CCSER1: variants seen among roughly 807,000 people sequenced by gnomAD.
CCSER1 encodes the protein coiled-coil serine rich protein 1.
In CCSER1, 41 loss-of-function variants were observed where a neutral mutation model predicts 82.0. The observed-to-expected ratio is 0.50, with a 90% CI of 0.39 to 0.65. CCSER1 has a LOEUF of 0.65. CCSER1 is among the 30% of genes least tolerant of loss of function. The pLI is 0.00. For missense variants in CCSER1, 1,119 were observed against 1,064.2 expected, an observed-to-expected ratio of 1.05 and a Z score of -0.72; for synonymous variants, 414 against 383.9, an observed-to-expected ratio of 1.08 and a Z score of -0.92.
At chr4:91,115,841 T>TTATATA (rs59028567) in intron 10 of CCSER1, among the ~76,000 whole-genome samples, 11 of 115,244 alleles carry the variant, frequency 9.5e-5, no homozygotes, top group African/African-American at 2.3e-4. Context: ...TTCCATTCTT[T>TTATATA]TATATATATA....
intron 10 of CCSER1, among the ~76,000 whole-genome samples, chr4:91,360,716 GAGAGA>G (rs1749193630): frequency 6.6e-6 from 1 of 151,564 alleles, no homozygotes; most frequent in Non-Finnish European, 1.5e-5. Flanking sequence ...TGAAAAAACA[GAGAGA>G]GAGAGAAAGA....
chr4:90,415,149 TTCAA>T (rs1167965555), intron 4 of CCSER1, among the ~76,000 whole-genome samples: 1 of 152,196 alleles, frequency 6.6e-6, no homozygotes, highest in Non-Finnish European at 1.5e-5. Context: ...TCATCAATCA[TTCAA>T]TCAGTGAATG....
intron 9 of CCSER1, among the ~76,000 whole-genome samples, chr4:91,055,395 G>A (rs1743357582): frequency 1.3e-5 from 2 of 152,076 alleles, no homozygotes; most frequent in Non-Finnish European, 2.9e-5. Flanking sequence ...AAATTATGTA[G>A]GATAATTTTT....
At chr4:91,545,947 C>A (rs1761868126) in intron 10 of CCSER1, among the ~76,000 whole-genome samples, 1 of 152,042 alleles carries the variant, frequency 6.6e-6, no homozygotes, top group Non-Finnish European at 1.5e-5. Context: ...TTATTAAGTT[C>A]AAGAAGTTCC....
chr4:90,896,173 C>G (rs1456881048), intron 8 of CCSER1, among the ~76,000 whole-genome samples: 1 of 151,886 alleles, frequency 6.6e-6, no homozygotes, highest in African/African-American at 2.4e-5. Context: ...ACGGGAGATT[C>G]TTTGATAGCA....
At chr4:90,362,651 T>C (rs1578118124) in intron 3 of CCSER1, among the ~76,000 whole-genome samples, 1 of 152,146 alleles carries the variant, frequency 6.6e-6, no homozygotes, top group South Asian at 2.1e-4. Context: ...TCTTTCCTTT[T>C]CCGCTGGCTT....
chr4:90,840,497 T>G (rs2149870591), intron 8 of CCSER1, among the ~76,000 whole-genome samples: 1 of 152,338 alleles, frequency 6.6e-6, no homozygotes, highest in African/African-American at 2.4e-5. Context: ...TTTTTCTAGC[T>G]TTGTGATTAC....
At chr4:90,457,746 C>T (rs929336545) in intron 4 of CCSER1, among the ~76,000 whole-genome samples, 2 of 152,138 alleles carry the variant, frequency 1.3e-5, no homozygotes, top group South Asian at 2.1e-4. Flanking sequence ...ATAATTTTCA[C>T]TCTGCTCCAA....
At chr4:91,250,878 A>T (rs754043418) in intron 10 of CCSER1, among the ~76,000 whole-genome samples, 1 of 152,150 alleles carries the variant, frequency 6.6e-6, no homozygotes, top group Non-Finnish European at 1.5e-5. Flanking sequence ...CACCAGCAGG[A>T]TACTCCAAAA....
chr4:90,566,100 C>T (rs1779347316), intron 5 of CCSER1, among the ~76,000 whole-genome samples: 1 of 151,424 alleles, frequency 6.6e-6, no homozygotes, highest in Non-Finnish European at 1.5e-5. Context: ...TCAAATGATC[C>T]ACCTGCCTCG....
chr4:90,424,251 A>G (rs1757213875), intron 4 of CCSER1, among the ~76,000 whole-genome samples: 1 of 152,110 alleles, frequency 6.6e-6, no homozygotes, highest in African/African-American at 2.4e-5. Flanking sequence ...CCAAAAATAT[A>G]TTTTAGATAA....
chr4:90,473,202 A>G (rs553869866), intron 5 of CCSER1, among the ~76,000 whole-genome samples: 1 of 152,188 alleles, frequency 6.6e-6, no homozygotes, highest in African/African-American at 2.4e-5. Flanking sequence ...TTTGGATTAT[A>G]TTTTGTATTA....
At chr4:90,452,375 G>A (rs1761574699) in intron 4 of CCSER1, among the ~76,000 whole-genome samples, 1 of 152,162 alleles carries the variant, frequency 6.6e-6, no homozygotes, top group Admixed American at 6.5e-5. Context: ...TTGAGTAGGT[G>A]GTTGTCTGTT....
chr4:90,796,336 C>T (rs1756020577), intron 7 of CCSER1, among the ~76,000 whole-genome samples: 1 of 145,316 alleles, frequency 6.9e-6, no homozygotes, highest in African/African-American at 2.5e-5. Context: ...AGTGGTAATA[C>T]CTTCTTTGTT....
intron 10 of CCSER1, among the ~76,000 whole-genome samples, chr4:91,408,632 CTTG>C (rs1228804229): frequency 6.6e-6 from 1 of 152,154 alleles, no homozygotes; most frequent in Admixed American, 6.6e-5. Context: ...AAACATTTCT[CTTG>C]TTGTTGTTGG....
At chr4:90,942,192 C>T (rs1272890774) in intron 9 of CCSER1, among the ~76,000 whole-genome samples, 1 of 152,034 alleles carries the variant, frequency 6.6e-6, no homozygotes, top group African/African-American at 2.4e-5. Context: ...TCAAGCGATC[C>T]ACCCACCACC....
intron 6 of CCSER1, among the ~76,000 whole-genome samples, chr4:90,704,821 C>G (rs1738976193): frequency 6.6e-6 from 1 of 152,114 alleles, no homozygotes; most frequent in African/African-American, 2.4e-5. Context: ...GTTTTCAGCT[C>G]CATCAGGTCA....
At chr4:90,221,981 A>G (rs1411997255) in intron 1 of CCSER1, among the ~76,000 whole-genome samples, 1 of 152,148 alleles carries the variant, frequency 6.6e-6, no homozygotes, top group Non-Finnish European at 1.5e-5. Context: ...TTTCTTTGTA[A>G]TATTCTCAGA....
At chr4:91,156,442 A>G (rs1730827021) in intron 10 of CCSER1, among the ~76,000 whole-genome samples, 1 of 151,688 alleles carries the variant, frequency 6.6e-6, no homozygotes, top group Admixed American at 6.6e-5. Flanking sequence ...TTATGTTGTC[A>G]TAAATGTTGT....
Sources: gnomAD v4.1 joint callset for allele counts (sites outside exome capture counted in the v4.1 genomes callset) on GRCh38, gnomAD v4.1.1 for gene constraint, MANE v1.5 for transcripts, NCBI Gene and HGNC (gene_info 2026-07-23, HGNC 2026-07-21) for gene names.